Variants in FREM1 observed in about 807,000 individuals in gnomAD.
FREM1 encodes the protein FRAS1-related extracellular matrix protein 1.
FREM1 carries 220 observed loss-of-function variants against 210.1 expected under a neutral mutation model. The ratio of observed to expected loss-of-function variants is 1.05; its 90% CI spans 0.94 to 1.17. The LOEUF is 1.17. FREM1 is among the 50% of genes most tolerant of loss of function. The probability of loss-of-function intolerance (pLI) is 0.00; values close to 1 mark genes in which losing one functional copy is unlikely to be tolerated. For synonymous variants in FREM1, 1,189 were observed against 980.2 expected (o/e 1.21, Z -3.98); for missense variants, 3,454 against 2,675.5 (o/e 1.29, Z -6.42).
intron 14 of FREM1, 132 bp downstream of exon 14, chr9:14,819,102 C>T (rs1026659090): frequency 2.4e-5 from 13 of 548,802 alleles, no homozygotes; most frequent in African/African-American, 1.7e-4. Context: ...TCAACTGACC[C>T]GTTGAGTGTG....
chr9:14,746,161 C>G (rs1182926973), intron 35 of FREM1, among the ~76,000 whole-genome samples, 192 bp downstream of exon 35: 1 of 152,098 alleles, frequency 6.6e-6, no homozygotes, highest in African/African-American at 2.4e-5. Context: ...TTGCACCAAC[C>G]AAATACATTA....
intron 24 of FREM1, among the ~76,000 whole-genome samples, chr9:14,776,700 C>G (rs2132649814): frequency 6.6e-6 from 1 of 152,296 alleles, no homozygotes; most frequent in Non-Finnish European, 1.5e-5. Context: ...ATTCATTCTA[C>G]TCATACGTTT....
At chr9:14,827,935 C>T (rs1053176004) in intron 10 of FREM1, among the ~76,000 whole-genome samples, 26 of 152,260 alleles carry the variant, frequency 1.7e-4, no homozygotes, top group African/African-American at 6.3e-4. Context: ...CAAATACCAA[C>T]TCTGCTTGTG....
intron 22 of FREM1, among the ~76,000 whole-genome samples, chr9:14,792,303 CAG>C (rs150406422): frequency 0.02 from 2,693 of 137,690 alleles, 24 homozygotes; most frequent in African/African-American, 0.028. Context: ...CACACACACA[CAG>C]AGAGAGAGAG....
intron 35 of FREM1, among the ~76,000 whole-genome samples, 168 bp from the exon 36 acceptor site, chr9:14,740,402 G>A (rs964513190): frequency 3.3e-5 from 5 of 152,140 alleles, no homozygotes; most frequent in Admixed American, 2.0e-4. Flanking sequence ...GTATCTGCAG[G>A]GTGGGGGTAG....
chr9:14,808,253 A>G, intron 16 of FREM1, 119 bp from the exon 17 acceptor site: 1 of 610,888 alleles, frequency 1.6e-6, no homozygotes, highest in South Asian at 3.7e-5. Flanking sequence ...TTATGTGGAT[A>G]AAATAAATGT....
At chr9:14,757,383 C>T (rs1035595410) in intron 28 of FREM1, among the ~76,000 whole-genome samples, 3 of 152,060 alleles carry the variant, frequency 2.0e-5, no homozygotes, top group African/African-American at 4.8e-5. Context: ...GGTGAAACCC[C>T]GTCTCTACCA....
At chr9:14,862,778 T>C (rs1369419879) in intron 3 of FREM1, among the ~76,000 whole-genome samples, 1 of 152,220 alleles carries the variant, frequency 6.6e-6, no homozygotes, top group East Asian at 1.9e-4. Context: ...GCATAATGTT[T>C]TCAAGGTTCA....
In FREM1 at chr9:14,819,308, C is replaced by A; in HGVS notation, c.2472G>T (p.Arg824Ser). The change falls in exon 14 of 37, where the codon AGG (arginine) becomes AGT (serine). Residue 824 changes from arginine (R) to serine (S), a missense_variant. By Grantham distance (110) the Arg-to-Ser change is moderately radical. Coordinates refer to ENST00000380880, the MANE Select transcript of FREM1 (RefSeq NM_001379081.2). ...LSLRELPLHG[R>S]VELNGFPLNS... is the part of the protein sequence containing the mutation. ...TTAGAGGAAATCCATTCAGCTCCAC[C>A]CTTCCGTGCAGAGGCAATTCCCGCA... 6.2e-7 allele frequency: 1 copy of A among 1,613,972 alleles called. No individual in the cohort carries two copies. The highest frequency in any genetic ancestry group is 8.5e-7 in the Non-Finnish European group (1 of 1,179,866).
chr9:14,823,940 A>T, intron 12 of FREM1, 85 bp downstream of exon 12: 1 of 670,556 alleles, frequency 1.5e-6, no homozygotes, highest in African/African-American at 1.8e-5. Flanking sequence ...AAAGACCAAC[A>T]TTCTCAGGCA....
intron 29 of FREM1, among the ~76,000 whole-genome samples, chr9:14,754,552 A>C (rs1192443529): frequency 6.6e-6 from 1 of 152,140 alleles, no homozygotes; most frequent in Admixed American, 6.5e-5. Flanking sequence ...CTTATTTGGA[A>C]CTAGGGTAAT....
chr9:14,827,847 C>T (rs1481931728), intron 10 of FREM1, among the ~76,000 whole-genome samples: 1 of 152,216 alleles, frequency 6.6e-6, no homozygotes, highest in Non-Finnish European at 1.5e-5. Flanking sequence ...AATCCTTGGC[C>T]ATCCCAGCTG....
intron 1 of FREM1, among the ~76,000 whole-genome samples, chr9:14,897,599 T>G (rs1339159229): frequency 6.6e-6 from 1 of 152,110 alleles, no homozygotes; most frequent in African/African-American, 2.4e-5. Context: ...AATTTTTTTT[T>G]TTTTTTTAAG....
intron 25 of FREM1, among the ~76,000 whole-genome samples, chr9:14,773,581 C>T (rs541524690): frequency 4.8e-4 from 72 of 148,786 alleles, no homozygotes; most frequent in African/African-American, 1.6e-3. Flanking sequence ...TGAAGCTTAC[C>T]TTGTGGGGTT....
intron 28 of FREM1, 100 bp downstream of exon 28, chr9:14,759,672 T>C (rs958299464): frequency 1.8e-5 from 21 of 1,178,422 alleles, no homozygotes; most frequent in Admixed American, 7.5e-5. Flanking sequence ...CAATTTGAAA[T>C]TTCCTTGGTC....
chr9:14,805,427 A>G (rs147233173), intron 18 of FREM1, among the ~76,000 whole-genome samples: 3 of 152,380 alleles, frequency 2.0e-5, no homozygotes, highest in Non-Finnish European at 4.4e-5. Flanking sequence ...AGAATACTTC[A>G]GATACTTAGA....
At position 14,861,151 on chromosome 9, in the gene FREM1, ATATACGTATATACACATG is replaced by A. The variant is rs1830321312; in HGVS notation, c.330-1685_330-1668del. Among the ~76,000 whole-genome samples the A allele has an allele frequency of 4.7e-5, 5 of 105,522 alleles. 2 individuals are homozygous for A. The highest frequency in any genetic ancestry group is 9.2e-5 in the Non-Finnish European group (5 of 54,524). The allele number at this position is 105,522 out of a possible 152,430, so 69.2% of individuals were successfully genotyped here. ...TACACATATATACATATATACACATATATACGTATATACACATGTATGTACATATATACACATATATAC... is the reference window on the plus strand; with the variant it reads ...TACACATATATACATATATACACATATATGTACATATATACACATATATAC... On this transcript the variant is annotated intron_variant, in intron 3 of 36. Transcript: ENST00000380880.
In FREM1 at chr9:14,871,008, T is replaced by C. The variant is rs368701113; in HGVS notation, c.-267-1764A>G. Among the ~76,000 whole-genome samples the C allele has an allele frequency of 3.9e-5, 6 of 152,240 alleles. No homozygotes were observed. The East Asian group carries it at 5.8e-4, about 15-fold the overall frequency. On this transcript the variant is annotated intron_variant, in intron 1 of 36. Coordinates refer to ENST00000380880, the MANE Select transcript of FREM1 (RefSeq NM_001379081.2). ...CTCATCATTTTTTATGGCTGCATAG[T>C]ATTCCATGGTGTATATGTGCCACAT...
Position 14,784,601 on chromosome 9 carries a change from AC to A in FREM1, c.4210del (p.Val1404CysfsTer9), listed in dbSNP as rs777396853. 1.9e-6 allele frequency: 3 copies of A among 1,597,938 alleles called. No homozygotes were observed. The highest frequency in any genetic ancestry group is 2.6e-6 in the Non-Finnish European group (3 of 1,170,968). ...TAAGAAACCTCTATCACCTTTAGAC[AC>A]CACGAGTGGTTTTGTAAGGATGACA... ...DIVILTKPLV[V>X]SKGDRGFLTT... On this transcript the variant is annotated frameshift_variant, in exon 24 of 37. Coordinates refer to ENST00000380880, the MANE Select transcript of FREM1 (RefSeq NM_001379081.2). LOFTEE classifies it high-confidence loss of function.
Sources: gnomAD v4.1 joint callset for allele counts (sites outside exome capture counted in the v4.1 genomes callset) on GRCh38, gnomAD v4.1.1 for gene constraint, MANE v1.5 for transcripts, NCBI Gene and HGNC (gene_info 2026-07-23, HGNC 2026-07-21) for gene names.